The following LMBR1 variants were observed in gnomAD, a reference collection of about 807,000 sequenced individuals.
LMBR1 encodes limb development membrane protein 1.
A neutral mutation model predicts 73.9 loss-of-function variants in LMBR1; 52 were observed. That is an observed-to-expected ratio of 0.70 (90% CI 0.56 to 0.89). The LOEUF (loss-of-function observed/expected upper bound fraction) is 0.89. Among genes scored for constraint, LMBR1 ranks in the 40% least tolerant of loss-of-function variants. LMBR1 has a pLI of 0.00. For missense variants in LMBR1, 539 were observed against 579.8 expected (o/e 0.93, Z 0.72); for synonymous variants, 215 against 209.4 (o/e 1.03, Z -0.23).
chr7:156,675,592 G>A, downstream of LMBR1: 1 of 856,964 alleles, frequency 1.2e-6, no homozygotes, highest in Non-Finnish European at 1.9e-6. Flanking sequence ...TTCGAAGACA[G>A]AGACGAGGAA....
intron 4 of LMBR1, among the ~76,000 whole-genome samples, chr7:156,825,480 C>T (rs1835511458): frequency 6.6e-6 from 1 of 151,884 alleles, no homozygotes; most frequent in Admixed American, 6.6e-5. Flanking sequence ...TGATAGACAC[C>T]CTGTTTACCC....
intron 10 of LMBR1, among the ~76,000 whole-genome samples, chr7:156,730,921 A>T (rs1040705012): frequency 6.6e-6 from 1 of 152,112 alleles, no homozygotes; most frequent in Non-Finnish European, 1.5e-5. Flanking sequence ...GGGCAACAAG[A>T]GCGAAACTCC....
At chr7:156,684,198 A>G (rs1245756072) in intron 16 of LMBR1, 35 bp from the exon 17 acceptor site, 5 of 1,512,930 alleles carry the variant, frequency 3.3e-6, no homozygotes. Flanking sequence ...GAGAAATGAT[A>G]TATTGCTGAG....
chr7:156,809,775 T>G (rs577652893), intron 4 of LMBR1, among the ~76,000 whole-genome samples: 1 of 152,198 alleles, frequency 6.6e-6, no homozygotes, highest in African/African-American at 2.4e-5. Context: ...CCTCTGAACT[T>G]AACGTGTCTC....
rs1362176321 is a variant in LMBR1 at position 156,683,582 on chromosome 7, C to T, written c.*496G>A. ...GCAACCATTACAGCTCCAACATACA[C>T]TGCAAAAATGATATCTACAAGCAGT... On this transcript the variant is annotated 3_prime_UTR_variant, in exon 17 of 17. Transcript: ENST00000353442. 6.6e-6 allele frequency: 1 copy of T among 152,432 alleles called. No homozygotes were observed. The highest frequency in any genetic ancestry group is 1.9e-4 in the East Asian group (1 of 5,198). The allele number at this position is 152,432 out of a possible 1,614,324, so 9.4% of individuals were successfully genotyped here.
intron 15 of LMBR1, among the ~76,000 whole-genome samples, chr7:156,716,362 C>T (rs1336536441): frequency 6.6e-6 from 1 of 152,174 alleles, no homozygotes; most frequent in Non-Finnish European, 1.5e-5. Context: ...GATTTACGTG[C>T]AACAATTTCA....
At chr7:156,825,127 T>TTTTAATAA (rs1237233747) in intron 4 of LMBR1, among the ~76,000 whole-genome samples, 1 of 151,930 alleles carries the variant, frequency 6.6e-6, no homozygotes, top group Non-Finnish European at 1.5e-5. Flanking sequence ...GATATATATT[T>TTTTAATAA]AAGTCAAATG....
At chr7:156,688,271 G>T (rs2131886968) in intron 15 of LMBR1, 80 bp from the exon 16 acceptor site, 2 of 962,452 alleles carry the variant, frequency 2.1e-6, no homozygotes, top group Non-Finnish European at 1.5e-6. Flanking sequence ...GTACAAGTTA[G>T]ATCGAATTCT....
At chr7:156,747,600 C>T (rs1331031966) in intron 9 of LMBR1, among the ~76,000 whole-genome samples, 1 of 152,062 alleles carries the variant, frequency 6.6e-6, no homozygotes, top group Non-Finnish European at 1.5e-5. Context: ...ATTCAGTGTC[C>T]TAAACTTAGT....
Position 156,680,386 on chromosome 7 carries a change from G to GAGAC in LMBR1, c.*3691_*3692insGTCT, listed in dbSNP as rs1554456566. The GAGAC allele has an allele frequency of 2.1e-5, 3 of 143,634 alleles. No individual in the cohort carries two copies. In the East Asian group the frequency reaches 6.3e-4, roughly 30 times the overall value. 8.9% of individuals were successfully genotyped at this position (143,634 alleles called of 1,614,324 possible). On this transcript the variant is annotated 3_prime_UTR_variant, in exon 17 of 17. Transcript: ENST00000353442. ...TACGTATCTGAGAGACAGAGAGAGA[G>GAGAC]AGAGAGAGAGAGAGAGAGTGTGTGT...
At chr7:156,734,067 A>G (rs1219062552) in intron 10 of LMBR1, 110 bp downstream of exon 10, 5 of 620,698 alleles carry the variant, frequency 8.1e-6, no homozygotes, top group African/African-American at 7.4e-5. Flanking sequence ...GGGCAGGTCA[A>G]AAGTTTTAAC....
At chr7:156,718,981 G>A (rs1275640795) in intron 15 of LMBR1, among the ~76,000 whole-genome samples, 2 of 151,818 alleles carry the variant, frequency 1.3e-5, no homozygotes, top group Non-Finnish European at 2.9e-5. Flanking sequence ...TCTGGGCAAT[G>A]ATTTTTTTAT....
At chr7:156,848,154 C>T (rs953451202) in intron 1 of LMBR1, among the ~76,000 whole-genome samples, 2 of 151,696 alleles carry the variant, frequency 1.3e-5, no homozygotes, top group African/African-American at 2.4e-5. Flanking sequence ...AAATACCATT[C>T]TGGACACAGG....
chr7:156,874,895 C>T (rs1184451125), intron 1 of LMBR1, among the ~76,000 whole-genome samples: 1 of 152,168 alleles, frequency 6.6e-6, no homozygotes, highest in Non-Finnish European at 1.5e-5. Context: ...AGTTTTTTAA[C>T]ACCTCCAAAA....
chr7:156,891,900 C>G (rs988669467), intron 1 of LMBR1, among the ~76,000 whole-genome samples: 5 of 152,188 alleles, frequency 3.3e-5, no homozygotes, highest in Admixed American at 6.5e-5. Context: ...TTTTCAAGAT[C>G]AGTGAGTACA....
intron 9 of LMBR1, among the ~76,000 whole-genome samples, chr7:156,752,917 C>G (rs1821165874): frequency 6.9e-6 from 1 of 145,628 alleles, no homozygotes; most frequent in African/African-American, 2.6e-5. Flanking sequence ...CTGATTCTAA[C>G]AACAGTCCAG....
At chr7:156,783,866 C>T (rs1458842240) in intron 5 of LMBR1, among the ~76,000 whole-genome samples, 1 of 152,196 alleles carries the variant, frequency 6.6e-6, no homozygotes, top group Non-Finnish European at 1.5e-5. Context: ...GTCAGCTCAT[C>T]AACTTCATCA....
At position 156,734,111 on chromosome 7, in the gene LMBR1, CTACAG is replaced by C. The variant is rs1339466472; in HGVS notation, c.838+61_838+65del. The stretch of plus-strand genomic sequence containing the variant: ...TTCATAAATTTTCTAATATTTCAGA[CTACAG>C]TAAAGTCTTTAATAAGAAACCAAGG... On this transcript the variant is annotated intron_variant, in intron 10 of 16. Transcript: ENST00000353442. 3 of 947,650 alleles carry C rather than the reference CTACAG, an allele frequency of 3.2e-6. No individual in the cohort carries two copies. In the African/African-American group the frequency reaches 5.0e-5, roughly 16 times the overall value. 58.7% of individuals were successfully genotyped at this position (947,650 alleles called of 1,614,324 possible).
rs559369545 is a variant in LMBR1 at position 156,698,338 on chromosome 7, C to T, written c.1226-10147G>A. 4.6e-5 allele frequency among the ~76,000 whole-genome samples: 7 copies of T among 152,298 alleles called. No homozygotes were observed. The South Asian group carries it at 1.2e-3, about 27-fold the overall frequency. The stretch of plus-strand genomic sequence containing the variant: ...CATTTTGAGGTCTGGAAGATGGTGG[C>T]CCTCTTCTCACAGCTCCACTAGGCA... On this transcript the variant is annotated intron_variant, in intron 15 of 16. Transcript: ENST00000353442.
Sources: gnomAD v4.1 joint callset for allele counts (sites outside exome capture counted in the v4.1 genomes callset) on GRCh38, gnomAD v4.1.1 for gene constraint, MANE v1.5 for transcripts, NCBI Gene and HGNC (gene_info 2026-07-23, HGNC 2026-07-21) for gene names.